Variants in REL observed in about 807,000 individuals in gnomAD.
The protein encoded by REL is proto-oncogene c-Rel.
REL carries 15 observed loss-of-function variants against 45.9 expected under a neutral mutation model. The observed-to-expected ratio is 0.33, with a 90% CI of 0.22 to 0.50. The LOEUF (loss-of-function observed/expected upper bound fraction) is 0.50, where lower values mean the gene tolerates loss of function less well. Ranked by LOEUF, REL falls within the 20% of genes least tolerant of loss-of-function variation. REL has a pLI of 0.98. For missense variants in REL, 601 were observed against 715.2 expected, an observed-to-expected ratio of 0.84 and a Z score of 1.82; for synonymous variants, 239 against 242.1, an observed-to-expected ratio of 0.99 and a Z score of 0.12.
At chr2:60,901,148 CT>C (rs375684997) in intron 4 of REL, 65 bp downstream of exon 4, 173,627 of 834,616 alleles carry the variant, frequency 0.21, 3,083 homozygotes, top group Middle Eastern at 0.29. Context: ...TTTTTTCTTT[CT>C]CTTTTTTTTT....
At chr2:60,914,092 A>G (rs986410388) in intron 4 of REL, among the ~76,000 whole-genome samples, 1 of 152,264 alleles carries the variant, frequency 6.6e-6, no homozygotes, top group African/African-American at 2.4e-5. Flanking sequence ...AGAGGCATAC[A>G]TAAATGATTA....
At position 60,926,538 on chromosome 2, in the gene REL, T is replaced by G; in HGVS notation, c.*4003T>G. 1 of 232,078 alleles carries G rather than the reference T, an allele frequency of 4.3e-6. No homozygotes were observed. Among genetic ancestry groups the G allele is most frequent in the Non-Finnish European group, 8.5e-6 (1 of 117,216 alleles). 14.4% of individuals were successfully genotyped at this position (232,078 alleles called of 1,614,324 possible). On this transcript the variant is annotated 3_prime_UTR_variant, in exon 10 of 10. Transcript: ENST00000394479. ...GTAGTCAAGATTCCTCCCTGAGATTTATTTCCCATGAGTCTTGACCCCTCC... is the reference window on the plus strand; with the variant it reads ...GTAGTCAAGATTCCTCCCTGAGATTGATTTCCCATGAGTCTTGACCCCTCC...
At chr2:60,914,624 CT>C (rs1673911475) in intron 4 of REL, among the ~76,000 whole-genome samples, 1 of 152,142 alleles carries the variant, frequency 6.6e-6, no homozygotes, top group South Asian at 2.1e-4. Flanking sequence ...CCATCACCCC[CT>C]AAAATTTCCC....
At chr2:60,907,505 G>A (rs891431237) in intron 4 of REL, among the ~76,000 whole-genome samples, 7 of 151,772 alleles carry the variant, frequency 4.6e-5, no homozygotes, top group Admixed American at 3.3e-4. Flanking sequence ...GCATGGGTGC[G>A]TGCTGCAAGT....
Position 60,920,576 on chromosome 2 carries a change from AAT to A in REL, c.926_927del (p.Asn309IlefsTer3). 1.3e-6 allele frequency: 2 copies of A among 1,589,644 alleles called. No individual in the cohort carries two copies. Among genetic ancestry groups the A allele is most frequent in the Non-Finnish European group, 1.7e-6 (2 of 1,160,560 alleles). On this transcript the variant is annotated frameshift_variant, in exon 9 of 10. Transcript: ENST00000394479. LOFTEE classifies it high-confidence loss of function. ...ATGGAAAAACTTTATCCTAACAGTT[AAT>A]TTTCCTGAGAGACCAAGACCTGGTC... ...LFQKLCQDHV[N>X]FPERPRPGLL... is the part of the protein sequence containing the mutation.
chr2:60,895,155 A>G (rs1225448400), intron 3 of REL, among the ~76,000 whole-genome samples: 1 of 151,588 alleles, frequency 6.6e-6, no homozygotes, highest in Non-Finnish European at 1.5e-5. Flanking sequence ...CACCGTGCCT[A>G]GCCTCTGTCT....
At chr2:60,881,902 A>AG in intron 1 of REL, 52 bp downstream of exon 1, 1 of 1,329,558 alleles carries the variant, frequency 7.5e-7, no homozygotes, top group Non-Finnish European at 9.9e-7. Flanking sequence ...GCTCTTCTGA[A>AG]GGGGGTCCTG....
At chr2:60,905,134 G>A (rs558657577) in intron 4 of REL, among the ~76,000 whole-genome samples, 153 of 152,132 alleles carry the variant, frequency 1.0e-3, no homozygotes, top group African/African-American at 2.7e-3. Context: ...TCCCTCTGTC[G>A]CCCAGGCTGG....
At chr2:60,908,044 G>A (rs1053836452) in intron 4 of REL, among the ~76,000 whole-genome samples, 3 of 152,018 alleles carry the variant, frequency 2.0e-5, no homozygotes, top group African/African-American at 7.2e-5. Context: ...TACCTGAGAT[G>A]CCCTGAAAGC....
intron 1 of REL, among the ~76,000 whole-genome samples, chr2:60,887,948 G>T (rs1276261682): frequency 1.3e-5 from 2 of 148,786 alleles, no homozygotes; most frequent in African/African-American, 4.9e-5. Context: ...TTTTTTTTGA[G>T]ACGGAGTCTC....
chr2:60,884,388 A>G (rs969732674), intron 1 of REL, among the ~76,000 whole-genome samples: 5 of 152,076 alleles, frequency 3.3e-5, no homozygotes, highest in African/African-American at 1.2e-4. Context: ...TTGTTTAGAT[A>G]AGTTAGCAGA....
At chr2:60,891,866 C>T (rs2103927918) in intron 2 of REL, 41 bp downstream of exon 2, 2 of 1,533,422 alleles carry the variant, frequency 1.3e-6, no homozygotes, top group South Asian at 1.2e-5. Flanking sequence ...CTATTAGTTG[C>T]TTCATATACT....
At chr2:60,886,704 T>C (rs1293663289) in intron 1 of REL, among the ~76,000 whole-genome samples, 1 of 152,184 alleles carries the variant, frequency 6.6e-6, no homozygotes, top group Non-Finnish European at 1.5e-5. Flanking sequence ...GTTAATAATG[T>C]GTCTATTTCC....
At chr2:60,897,079 C>G (rs183609858) in intron 3 of REL, among the ~76,000 whole-genome samples, 26 of 152,220 alleles carry the variant, frequency 1.7e-4, no homozygotes, top group East Asian at 1.5e-3. Flanking sequence ...TTCCCTTCCT[C>G]TCTTTCTCCA....
At chr2:60,898,977 A>G (rs1673427624) in intron 3 of REL, 1 of 152,256 alleles carries the variant, frequency 6.6e-6, no homozygotes, top group Admixed American at 6.5e-5. Flanking sequence ...CAGAATTTCA[A>G]AAATTACCAC....
At chr2:60,906,428 G>C (rs1462011395) in intron 4 of REL, among the ~76,000 whole-genome samples, 2 of 152,140 alleles carry the variant, frequency 1.3e-5, no homozygotes, top group Non-Finnish European at 2.9e-5. Context: ...CTCTATCTGA[G>C]ATGATTCTGA....
chr2:60,913,340 T>G (rs1186073527), intron 4 of REL, among the ~76,000 whole-genome samples: 3 of 152,184 alleles, frequency 2.0e-5, no homozygotes, highest in Admixed American at 6.6e-5. Flanking sequence ...AGTCATTTTC[T>G]GTGAAAAAGA....
rs1160705067 is a variant in REL, at chr2:60,920,373, G to T, written c.923-201G>T. 8 of 626,724 alleles carry T rather than the reference G, an allele frequency of 1.3e-5. No homozygotes were observed. Among genetic ancestry groups the T allele is most frequent in the Middle Eastern group, 4.3e-4 (1 of 2,304 alleles). The allele number at this position is 626,724 out of a possible 1,614,324, so 38.8% of individuals were successfully genotyped here. On this transcript the variant is annotated intron_variant, in intron 8 of 9. Coordinates refer to ENST00000394479, the MANE Select transcript of REL (RefSeq NM_001291746.2). ...GTGCCACCACACCCGGCTAATTTTT[G>T]TATTTTTAGTAGAAACAGGGTTTCG...
intron 2 of REL, among the ~76,000 whole-genome samples, chr2:60,892,712 G>C (rs1313538995): frequency 6.6e-6 from 1 of 151,812 alleles, no homozygotes; most frequent in Non-Finnish European, 1.5e-5. Flanking sequence ...TTATAGGCGT[G>C]AGCCACTGCG....
Sources: allele counts gnomAD v4.1 joint callset (sites outside exome capture counted in the v4.1 genomes callset), GRCh38; gene constraint gnomAD v4.1.1; transcripts MANE v1.5; gene names NCBI Gene and HGNC (gene_info 2026-07-23, HGNC 2026-07-21).